ATP1A4: variants seen among roughly 807,000 people sequenced by gnomAD.
ATP1A4 encodes the protein sodium/potassium-transporting ATPase subunit alpha-4.
In ATP1A4, 90 loss-of-function variants were observed where a neutral mutation model predicts 114.3. That is an observed-to-expected ratio of 0.79 (90% CI 0.66 to 0.94). The LOEUF is 0.94. Among genes scored for constraint, ATP1A4 ranks in the 40% least tolerant of loss-of-function variants. The pLI is 0.00. For synonymous variants in ATP1A4, 511 were observed against 494.1 expected, an observed-to-expected ratio of 1.03 and a Z score of -0.45; for missense variants, 1,222 against 1,313.6, an observed-to-expected ratio of 0.93 and a Z score of 1.08.
chr1:160,186,624 C>A, intron 21 of ATP1A4, 47 bp from the exon 22 acceptor site: 1 of 1,595,546 alleles, frequency 6.3e-7, no homozygotes, highest in Non-Finnish European at 8.5e-7. Flanking sequence ...CCCCTGGATG[C>A]CTCTAATTCC....
Position 160,186,387 on chromosome 1 carries a change from C to T in ATP1A4, c.3061+20C>T, listed in dbSNP as rs755739636. On this transcript the variant is annotated intron_variant, in intron 21 of 21. Coordinates refer to ENST00000368081, the MANE Select transcript of ATP1A4 (RefSeq NM_144699.4). Reference sequence around the variant, plus strand: ...CGGATGGTGAGGCTCCCCTGGGCCCCGCTCTGACTGAGTGGTCACCAGCCC... The same window carrying T: ...CGGATGGTGAGGCTCCCCTGGGCCCTGCTCTGACTGAGTGGTCACCAGCCC... 1.4e-5 allele frequency: 22 copies of T among 1,584,602 alleles called. No homozygotes were observed. Among genetic ancestry groups the T allele is most frequent in the Middle Eastern group, 1.7e-4 (1 of 5,996 alleles).
rs755106767 is a variant in ATP1A4 at position 160,173,619 on chromosome 1, GGCCATT to G, written c.1898_1903del (p.Ile633_Ala634del). On this transcript the variant is annotated inframe_deletion, in exon 13 of 22. Coordinates refer to ENST00000368081, the MANE Select transcript of ATP1A4 (RefSeq NM_144699.4). ...CAGGAGATCATCCCATTACAGCTAA[GGCCATT>G]GCCAAGGGTGTGGGCATCATCTCAG... 1 of 1,614,170 alleles carries G rather than the reference GGCCATT, an allele frequency of 6.2e-7. No homozygotes were observed. Among genetic ancestry groups the G allele is most frequent in the Non-Finnish European group, 8.5e-7 (1 of 1,180,028 alleles).
chr1:160,152,680 G>A (rs901486981), intron 1 of ATP1A4, among the ~76,000 whole-genome samples: 1 of 152,156 alleles, frequency 6.6e-6, no homozygotes, highest in Non-Finnish European at 1.5e-5. Flanking sequence ...AGGTGGTTAG[G>A]CAGGCTGTTT....
Position 160,156,046 on chromosome 1 carries a change from T to C in ATP1A4, c.413T>C (p.Leu138Pro). 1 of 1,603,844 alleles carries C rather than the reference T, an allele frequency of 6.2e-7. No individual in the cohort carries two copies. Among genetic ancestry groups the C allele is most frequent in the East Asian group, 2.2e-5 (1 of 44,820 alleles). The change falls in exon 4 of 22, where the codon CTC (leucine) becomes CCC (proline). Residue 138 changes from leucine (L) to proline (P), a missense_variant and splice_region_variant. Coordinates refer to ENST00000368081, the MANE Select transcript of ATP1A4 (RefSeq NM_144699.4). ...YFNEEPTKDN[L>P]YLSIVLSVVV... Reference sequence around the variant, plus strand: ...AACGCTTTCTTTCCCCACCCTCAGCTCTACCTGAGCATCGTACTGTCCGTC... The same window carrying C: ...AACGCTTTCTTTCCCCACCCTCAGCCCTACCTGAGCATCGTACTGTCCGTC...
chr1:160,176,735 A>G (rs1653479498), intron 17 of ATP1A4, 133 bp downstream of exon 17: 2 of 1,205,200 alleles, frequency 1.7e-6, no homozygotes, highest in Non-Finnish European at 2.3e-6. Flanking sequence ...GAAAACACAA[A>G]GAACCACTCA....
intron 18 of ATP1A4, among the ~76,000 whole-genome samples, chr1:160,178,170 A>C (rs1213436638): frequency 2.0e-5 from 3 of 151,086 alleles, no homozygotes; most frequent in Non-Finnish European, 4.4e-5. Context: ...ATCCTGGCCA[A>C]CATGGAGATA....
rs757100760 is a variant in ATP1A4, at chr1:160,159,133, T to TCTCC, written c.657_658insCTCC (p.Lys220LeufsTer20). 1 of 1,613,656 alleles carries TCTCC rather than the reference T, an allele frequency of 6.2e-7. No individual in the cohort carries two copies. The highest frequency in any genetic ancestry group is 8.5e-7 in the Non-Finnish European group (1 of 1,179,770). On this transcript the variant is annotated frameshift_variant, in exon 5 of 22. Coordinates refer to ENST00000368081, the MANE Select transcript of ATP1A4 (RefSeq NM_144699.4). LOFTEE classifies it high-confidence loss of function. ...TCCGGCTTATCTCTGCACAAGGATGTAAGGTGAGGGGATGCCGAAAGCTAT... is the reference window on the plus strand; with the variant it reads ...TCCGGCTTATCTCTGCACAAGGATGTCTCCAAGGTGAGGGGATGCCGAAAGCTAT...
chr1:160,182,607 C>T (rs1653744104), intron 20 of ATP1A4: 1 of 153,082 alleles, frequency 6.5e-6, no homozygotes, highest in South Asian at 2.1e-4. Context: ...TTACCCAACC[C>T]AACTTGCATA....
chr1:160,151,873 A>G lies in ATP1A4; in HGVS notation c.-168A>G, dbSNP rs1652465422. 1 of 686,798 alleles carries G rather than the reference A, an allele frequency of 1.5e-6. No individual in the cohort carries two copies. Among genetic ancestry groups the G allele is most frequent in the Non-Finnish European group, 2.3e-6 (1 of 430,200 alleles). 42.5% of individuals were successfully genotyped at this position (686,798 alleles called of 1,614,324 possible). On this transcript the variant is annotated 5_prime_UTR_variant, in exon 1 of 22. Coordinates refer to ENST00000368081, the MANE Select transcript of ATP1A4 (RefSeq NM_144699.4). ...ACTTCCCTTCCTCTCTCTCACCTTC[A>G]CCACCCAACACCTCCCTCCCTGCCT...
At chr1:160,156,808 A>C (rs974285054) in intron 4 of ATP1A4, among the ~76,000 whole-genome samples, 1 of 152,114 alleles carries the variant, frequency 6.6e-6, no homozygotes, top group Non-Finnish European at 1.5e-5. Context: ...TAATAAAAAG[A>C]GGCTAAAGAG....
intron 1 of ATP1A4, 93 bp downstream of exon 1, chr1:160,152,280 G>C (rs1380386045): frequency 1.4e-6 from 2 of 1,393,280 alleles, no homozygotes; most frequent in East Asian, 4.8e-5. Context: ...AAACACACAG[G>C]CCAGAGCCAC....
rs753314585 is a variant in ATP1A4 at position 160,177,569 on chromosome 1, G to A, written c.2641G>A (p.Glu881Lys). 2.5e-6 allele frequency: 4 copies of A among 1,614,174 alleles called. No homozygotes were observed. Among genetic ancestry groups the A allele is most frequent in the Non-Finnish European group, 3.4e-6 (4 of 1,180,016 alleles). Residue 881 changes from glutamate to lysine, a missense_variant, in exon 18 of 22, where the codon GAG (glutamate) becomes AAG (lysine). Transcript: ENST00000368081. Reference sequence around the variant, plus strand: ...CTTTACCTACTTTGTAATCCTGGCTGAGAATGGTTTTAGGCCTGTTGATCT... The same window carrying A: ...CTTTACCTACTTTGTAATCCTGGCTAAGAATGGTTTTAGGCCTGTTGATCT... ...GFFTYFVILA[E>K]NGFRPVDLLG...
At chr1:160,164,737 T>C (rs1173366693) in intron 7 of ATP1A4, among the ~76,000 whole-genome samples, 1 of 152,230 alleles carries the variant, frequency 6.6e-6, no homozygotes, top group African/African-American at 2.4e-5. Flanking sequence ...TTCATCAGTT[T>C]ATGGAGGAAG....
chr1:160,151,928 A>G lies in ATP1A4; in HGVS notation c.-113A>G. 1 of 1,246,268 alleles carries G rather than the reference A, an allele frequency of 8.0e-7. No homozygotes were observed. The highest frequency in any genetic ancestry group is 1.1e-6 in the Non-Finnish European group (1 of 912,520). The allele number at this position is 1,246,268 out of a possible 1,614,324, so 77.2% of individuals were successfully genotyped here. On this transcript the variant is annotated 5_prime_UTR_variant, in exon 1 of 22. Transcript: ENST00000368081. ...CTTTCTGCTCCCTCATTCTCTCCCC[A>G]CCACTCTCTTCTCGTGGCCCCCTTG...
rs759847881 is a variant in ATP1A4 at position 160,151,699 on chromosome 1, C to T, written c.-342C>T. 39 of 203,416 alleles carry T rather than the reference C, an allele frequency of 1.9e-4. No homozygotes were observed. The highest frequency in any genetic ancestry group is 3.7e-4 in the Non-Finnish European group (37 of 100,002). 12.6% of individuals were successfully genotyped at this position (203,416 alleles called of 1,614,324 possible). A position where few individuals can be genotyped will look rare whatever the true frequency, so the allele number is the denominator to read the frequency against. On this transcript the variant is annotated 5_prime_UTR_variant, in exon 1 of 22. Transcript: ENST00000368081. ...TTCATCACTGAGGCACCTGGTTACGCTTCACCTCTTGTTTCCTGCCCTCAC... is the reference window on the plus strand; with the variant it reads ...TTCATCACTGAGGCACCTGGTTACGTTTCACCTCTTGTTTCCTGCCCTCAC...
At chr1:160,171,960 G>C (rs939954599) in intron 12 of ATP1A4, among the ~76,000 whole-genome samples, 2 of 152,146 alleles carry the variant, frequency 1.3e-5, no homozygotes, top group Non-Finnish European at 2.9e-5. Context: ...CACCAGGGAG[G>C]CTTTAAAAAT....
intron 7 of ATP1A4, among the ~76,000 whole-genome samples, chr1:160,166,016 TC>T (rs1304378504): frequency 6.6e-6 from 1 of 152,146 alleles, no homozygotes; most frequent in Non-Finnish European, 1.5e-5. Context: ...ACATCTATAA[TC>T]CCAGCACTTT....
In ATP1A4 at chr1:160,162,570, G is replaced by T. The variant is rs554249974; in HGVS notation, c.779-1586G>T. On this transcript the variant is annotated intron_variant, in intron 6 of 21. Coordinates refer to ENST00000368081, the MANE Select transcript of ATP1A4 (RefSeq NM_144699.4). ...GGGCTGGATAATTCTTTGTTGTGCG[G>T]GACAGGAGAGCTGTCTTGTGCGTGG... is the stretch of plus-strand genomic sequence containing the variant. Among the ~76,000 whole-genome samples the T allele has an allele frequency of 2.0e-5, 3 of 152,280 alleles. No individual in the cohort carries two copies. In the East Asian group the frequency reaches 5.8e-4, roughly 29 times the overall value.
Position 160,174,275 on chromosome 1 carries a change from A to T in ATP1A4, c.2142+14A>T, listed in dbSNP as rs1557805028. 1 of 1,614,034 alleles carries T rather than the reference A, an allele frequency of 6.2e-7. No individual in the cohort carries two copies. On this transcript the variant is annotated intron_variant, in intron 14 of 21. Coordinates refer to ENST00000368081, the MANE Select transcript of ATP1A4 (RefSeq NM_144699.4). ...TGTCAGAGGCTGGTAAGGAACGAAAAGGAGCCCCAAGGAAACTGGCAGAAC... is the reference window on the plus strand; with the variant it reads ...TGTCAGAGGCTGGTAAGGAACGAAATGGAGCCCCAAGGAAACTGGCAGAAC...
Sources: gnomAD v4.1 joint callset for allele counts (sites outside exome capture counted in the v4.1 genomes callset) on GRCh38, gnomAD v4.1.1 for gene constraint, MANE v1.5 for transcripts, NCBI Gene and HGNC (gene_info 2026-07-23, HGNC 2026-07-21) for gene names.